NLGN4X: variants seen among roughly 807,000 people sequenced by gnomAD.
NLGN4X encodes neuroligin-4, X-linked.
NLGN4X carries 3 observed loss-of-function variants against 40.3 expected under a neutral mutation model. That is an observed-to-expected ratio of 0.07 (90% CI 0.03 to 0.19). The LOEUF is 0.19. Among genes scored for constraint, NLGN4X ranks in the 10% least tolerant of loss-of-function variants. The pLI, the probability that NLGN4X is intolerant of heterozygous loss-of-function variation, is 1.00. For missense variants in NLGN4X, 382 were observed against 708.3 expected (o/e 0.54, Z 5.23); for synonymous variants, 270 against 306.8 (o/e 0.88, Z 1.25).
At chrX:6,164,895 G>C (rs4826834) in intron 1 of NLGN4X, among the ~76,000 whole-genome samples, 30,450 of 110,574 alleles carry the variant, frequency 0.28, 3,173 homozygotes, top group Non-Finnish European at 0.3. Context: ...CTTTTCTCAT[G>C]TGCTTCTGAC....
intron 2 of NLGN4X, among the ~76,000 whole-genome samples, chrX:6,138,394 A>C (rs931654005): frequency 9.0e-6 from 1 of 111,719 alleles, no homozygotes; most frequent in Non-Finnish European, 1.9e-5. Flanking sequence ...TAGGAGAGAA[A>C]GGAAACATTC....
chrX:5,975,560 C>T (rs1247363231), intron 3 of NLGN4X, among the ~76,000 whole-genome samples: 1 of 101,904 alleles, frequency 9.8e-6, no homozygotes, highest in Admixed American at 1.1e-4. Flanking sequence ...TTGCAGTGAG[C>T]TGAGATGGCG....
chrX:6,173,347 T>C (rs2040649860), intron 1 of NLGN4X, among the ~76,000 whole-genome samples: 1 of 111,825 alleles, frequency 8.9e-6, no homozygotes, highest in South Asian at 3.7e-4. Context: ...CCCTGACCTG[T>C]TGTCTCTCAA....
intron 3 of NLGN4X, among the ~76,000 whole-genome samples, chrX:5,971,159 G>T (rs894587916): frequency 1.8e-5 from 2 of 111,553 alleles, no homozygotes; most frequent in Non-Finnish European, 3.8e-5. Flanking sequence ...CCATTTGTCA[G>T]ACCAGAGTTT....
At chrX:5,956,699 C>G (rs1012241639) in intron 3 of NLGN4X, among the ~76,000 whole-genome samples, 1 of 111,540 alleles carries the variant, frequency 9.0e-6, no homozygotes, top group Admixed American at 9.6e-5. Context: ...AACCCAAAGC[C>G]AGGGAGGCAG....
intron 2 of NLGN4X, among the ~76,000 whole-genome samples, chrX:6,035,318 T>C (rs1340847071): frequency 1.8e-5 from 2 of 111,548 alleles, no homozygotes; most frequent in Non-Finnish European, 3.8e-5. Context: ...TTTTGATGAG[T>C]TTCACTTGAT....
At chrX:6,209,544 A>G (rs1170309808) in intron 1 of NLGN4X, among the ~76,000 whole-genome samples, 1 of 111,842 alleles carries the variant, frequency 8.9e-6, no homozygotes, top group Admixed American at 9.5e-5. Context: ...GTTTTGTAAG[A>G]GACATGCATC....
intron 3 of NLGN4X, among the ~76,000 whole-genome samples, chrX:5,998,515 C>A (rs1157901013): frequency 1.8e-5 from 2 of 111,732 alleles, no homozygotes; most frequent in African/African-American, 3.3e-5. Context: ...CAGCACCTAG[C>A]ACCATGTGTA....
chrX:6,105,431 CAA>C (rs145314600), intron 2 of NLGN4X, among the ~76,000 whole-genome samples: 4 of 79,408 alleles, frequency 5.0e-5, no homozygotes, highest in African/African-American at 7.7e-5. Flanking sequence ...AAAGCACAAG[CAA>C]AAAAAAAAGT....
At chrX:6,102,583 C>CA (rs1347864129) in intron 2 of NLGN4X, among the ~76,000 whole-genome samples, 2 of 110,152 alleles carry the variant, frequency 1.8e-5, no homozygotes, top group Admixed American at 2.0e-4. Flanking sequence ...TGCTCAGTTA[C>CA]ATAACAAAAA....
At chrX:5,922,559 C>G (rs1385612159) in intron 3 of NLGN4X, among the ~76,000 whole-genome samples, 1 of 111,498 alleles carries the variant, frequency 9.0e-6, no homozygotes, top group Non-Finnish European at 1.9e-5. Flanking sequence ...TTAAGCAAAA[C>G]TAATATTAAA....
chrX:5,907,647 C>T (rs1311382795), intron 4 of NLGN4X, among the ~76,000 whole-genome samples: 2 of 110,620 alleles, frequency 1.8e-5, no homozygotes, highest in Non-Finnish European at 3.8e-5. Flanking sequence ...CAGCTTTTTC[C>T]AGGTTAATAG....
intron 3 of NLGN4X, among the ~76,000 whole-genome samples, chrX:5,970,719 G>T (rs185850060): frequency 8.9e-6 from 1 of 111,915 alleles, no homozygotes; most frequent in Non-Finnish European, 1.9e-5. Context: ...GCTCTTAGAA[G>T]GTAGGGCCAT....
rs1002049494 is a variant in NLGN4X at position 6,075,207 on chromosome X, T to G, written c.473-45775A>C. Among the ~76,000 whole-genome samples the G allele has an allele frequency of 2.7e-5, 3 of 111,645 alleles. No homozygotes were observed. In the East Asian group the frequency reaches 8.6e-4, roughly 32 times the overall value. The stretch of plus-strand genomic sequence containing the variant: ...GATCATCAGGAAGGTGCACTGGAGT[T>G]AACACAGCTACACTGGACAAGGTGC... On this transcript the variant is annotated intron_variant, in intron 2 of 5. Transcript: ENST00000381095.
At chrX:6,122,813 C>T (rs192666467) in intron 2 of NLGN4X, among the ~76,000 whole-genome samples, 28 of 104,787 alleles carry the variant, frequency 2.7e-4, no homozygotes, top group Middle Eastern at 9.6e-3. Context: ...CACGAGATAC[C>T]GGGGAGAAGA....
intron 3 of NLGN4X, among the ~76,000 whole-genome samples, chrX:5,979,629 T>C (rs2035311580): frequency 9.1e-6 from 1 of 109,977 alleles, no homozygotes; most frequent in African/African-American, 3.3e-5. Context: ...GGGCTATTGG[T>C]CATATGTATG....
At chrX:5,911,123 G>A (rs1297457305) in intron 3 of NLGN4X, among the ~76,000 whole-genome samples, 1 of 111,546 alleles carries the variant, frequency 9.0e-6, no homozygotes, top group Non-Finnish European at 1.9e-5. Flanking sequence ...CAGTTTAGGT[G>A]CCCTATAATA....
intron 2 of NLGN4X, among the ~76,000 whole-genome samples, chrX:6,078,299 G>A (rs1300005452): frequency 8.9e-6 from 1 of 112,217 alleles, no homozygotes; most frequent in Non-Finnish European, 1.9e-5. Context: ...TATCTTCAGA[G>A]TCAACAACAA....
At chrX:5,921,867 C>G (rs946079676) in intron 3 of NLGN4X, among the ~76,000 whole-genome samples, 5 of 111,265 alleles carry the variant, frequency 4.5e-5, no homozygotes, top group African/African-American at 1.3e-4. Flanking sequence ...TTTCTAGATT[C>G]AAGGGTGAAG....
Sources: allele counts gnomAD v4.1 joint callset (sites outside exome capture counted in the v4.1 genomes callset), GRCh38; gene constraint gnomAD v4.1.1; transcripts MANE v1.5; gene names NCBI Gene and HGNC (gene_info 2026-07-23, HGNC 2026-07-21).